PTPRD: variants seen among roughly 807,000 people sequenced by gnomAD.
PTPRD encodes protein tyrosine phosphatase receptor type D.
Under a neutral mutation model 214.5 loss-of-function variants are expected in PTPRD, and 34 were observed. The observed-to-expected ratio is 0.16, with a 90% confidence interval of 0.12 to 0.21. The LOEUF (loss-of-function observed/expected upper bound fraction) is 0.21, where lower values mean the gene tolerates loss of function less well. Ranked by LOEUF, PTPRD falls within the 10% of genes least tolerant of loss-of-function variation. The probability of loss-of-function intolerance (pLI) is 1.00; values close to 1 mark genes in which losing one functional copy is unlikely to be tolerated. For missense variants in PTPRD, 2,545 were observed against 2,398.7 expected, an observed-to-expected ratio of 1.06 and a Z score of -1.27; for synonymous variants, 1,128 against 845.7, an observed-to-expected ratio of 1.33 and a Z score of -5.79.
At chr9:9,904,590 C>G (rs920278780) in intron 5 of PTPRD, among the ~76,000 whole-genome samples, 2 of 151,808 alleles carry the variant, frequency 1.3e-5, no homozygotes, top group African/African-American at 2.4e-5. Context: ...CCTTCCACAC[C>G]TACAAAATAA....
chr9:9,839,332 C>G (rs1273734625), intron 5 of PTPRD, among the ~76,000 whole-genome samples: 1 of 152,080 alleles, frequency 6.6e-6, no homozygotes, highest in East Asian at 1.9e-4. Flanking sequence ...TCTCCTTAAG[C>G]TGATAAGCAA....
intron 3 of PTPRD, among the ~76,000 whole-genome samples, chr9:10,118,888 AAATAAATAAAT>A (rs1432913018): frequency 6.7e-6 from 1 of 148,714 alleles, no homozygotes; most frequent in African/African-American, 2.5e-5. Context: ...ATAAATAAAT[AAATAAATAAAT>A]AATAATAAAG....
chr9:9,065,102 T>A (rs928763182), intron 10 of PTPRD, among the ~76,000 whole-genome samples: 1 of 152,118 alleles, frequency 6.6e-6, no homozygotes, highest in Non-Finnish European at 1.5e-5. Context: ...AATATATACA[T>A]TTGACAAAAA....
At chr9:10,133,342 C>A (rs1204091231) in intron 3 of PTPRD, among the ~76,000 whole-genome samples, 8 of 152,124 alleles carry the variant, frequency 5.3e-5, no homozygotes, top group Non-Finnish European at 1.5e-5. Context: ...CAAATATGGA[C>A]TAGATTCCTA....
intron 11 of PTPRD, among the ~76,000 whole-genome samples, chr9:8,888,774 A>C (rs1419510956): frequency 6.6e-6 from 1 of 152,228 alleles, no homozygotes; most frequent in East Asian, 1.9e-4. Context: ...ATCAGGGAAT[A>C]GCATGTTGCA....
intron 9 of PTPRD, among the ~76,000 whole-genome samples, chr9:9,326,035 G>T (rs930701655): frequency 6.6e-6 from 1 of 152,024 alleles, no homozygotes; most frequent in African/African-American, 2.4e-5. Context: ...GCATCCCAGG[G>T]ATGAAGCCAA....
At chr9:10,075,435 C>A (rs2098117156) in intron 3 of PTPRD, among the ~76,000 whole-genome samples, 1 of 151,914 alleles carries the variant, frequency 6.6e-6, no homozygotes, top group South Asian at 2.1e-4. Context: ...CAGTATTTCT[C>A]ATCTTGTTAT....
intron 14 of PTPRD, among the ~76,000 whole-genome samples, chr9:8,628,614 CAAAA>C (rs57311712): frequency 2.0e-5 from 2 of 101,252 alleles, no homozygotes; most frequent in Non-Finnish European, 2.2e-5. Flanking sequence ...CATATCAGGC[CAAAA>C]AAAAAAAAAA....
At chr9:8,750,596 G>A (rs10117610) in intron 11 of PTPRD, among the ~76,000 whole-genome samples, 8,784 of 152,258 alleles carry the variant, frequency 0.058, 652 homozygotes, top group African/African-American at 0.17. Context: ...CCTAGAGAAG[G>A]GTGGGGCATG....
chr9:9,228,404 T>A (rs1268071377), intron 9 of PTPRD, among the ~76,000 whole-genome samples: 1 of 152,130 alleles, frequency 6.6e-6, no homozygotes, highest in Admixed American at 6.6e-5. Flanking sequence ...TGCACACATA[T>A]GTGCATGTGT....
At chr9:8,653,846 C>G (rs1415722) in intron 12 of PTPRD, among the ~76,000 whole-genome samples, 84,698 of 151,964 alleles carry the variant, frequency 0.56, 23,887 homozygotes, top group East Asian at 0.69. Context: ...TTATCTTATT[C>G]AAGACCAATT....
chr9:8,560,089 T>C (rs756901652), intron 14 of PTPRD, among the ~76,000 whole-genome samples: 2 of 152,214 alleles, frequency 1.3e-5, no homozygotes, highest in Non-Finnish European at 2.9e-5. Context: ...TGATTTTACT[T>C]CTTTTCTTAG....
At chr9:9,100,232 A>C (rs1035628683) in intron 10 of PTPRD, among the ~76,000 whole-genome samples, 1 of 152,104 alleles carries the variant, frequency 6.6e-6, no homozygotes, top group African/African-American at 2.4e-5. Context: ...CATATCAGAT[A>C]AATATGCCTA....
intron 9 of PTPRD, among the ~76,000 whole-genome samples, chr9:9,219,126 T>C (rs985743706): frequency 6.6e-6 from 1 of 152,124 alleles, no homozygotes; most frequent in Non-Finnish European, 1.5e-5. Flanking sequence ...AAAATCCTTT[T>C]TAGATTTCAA....
intron 8 of PTPRD, among the ~76,000 whole-genome samples, chr9:9,491,046 A>G (rs2095872023): frequency 6.6e-6 from 1 of 151,954 alleles, no homozygotes; most frequent in Admixed American, 6.6e-5. Context: ...TACACTGTAT[A>G]TAAGAGACTC....
intron 7 of PTPRD, among the ~76,000 whole-genome samples, chr9:9,618,313 G>C (rs2095028942): frequency 6.6e-6 from 1 of 151,652 alleles, no homozygotes. Context: ...TTGAGATTTA[G>C]CAAAATTAGA....
intron 2 of PTPRD, among the ~76,000 whole-genome samples, chr9:10,397,142 A>G (rs956602686): frequency 6.6e-6 from 1 of 152,188 alleles, no homozygotes; most frequent in African/African-American, 2.4e-5. Flanking sequence ...AAAAGGCAAC[A>G]ATTTAAACAA....
At chr9:10,370,612 T>C (rs917626758) in intron 2 of PTPRD, among the ~76,000 whole-genome samples, 7 of 152,124 alleles carry the variant, frequency 4.6e-5, no homozygotes, top group African/African-American at 1.7e-4. Flanking sequence ...AGTCTTTCTA[T>C]GAAATTTCTG....
At chr9:8,823,402 G>A (rs907041563) in intron 11 of PTPRD, among the ~76,000 whole-genome samples, 2 of 152,152 alleles carry the variant, frequency 1.3e-5, no homozygotes, top group African/African-American at 4.8e-5. Flanking sequence ...CACCTTGCAT[G>A]CTTCATGGAA....
Sources: allele counts gnomAD v4.1 joint callset (sites outside exome capture counted in the v4.1 genomes callset), GRCh38; gene constraint gnomAD v4.1.1; transcripts MANE v1.5; gene names NCBI Gene and HGNC (gene_info 2026-07-23, HGNC 2026-07-21).